RFC3: variants seen among roughly 807,000 people sequenced by gnomAD.
RFC3 encodes the protein A1 38 kDa subunit.
RFC3 carries 41 observed loss-of-function variants against 45.1 expected under a neutral mutation model. That is an observed-to-expected ratio of 0.91 (90% CI 0.71 to 1.18). RFC3 has a LOEUF of 1.18. Ranked by LOEUF, RFC3 falls within the 50% of genes most tolerant of loss-of-function variation. The pLI, the probability that RFC3 is intolerant of heterozygous loss-of-function variation, is 0.00. For missense variants in RFC3, 423 were observed against 428.1 expected (o/e 0.99, Z 0.10); for synonymous variants, 149 against 144.0 (o/e 1.03, Z -0.25).
At chr13:33,925,559 C>CATAGTGTACTATATACATACAT (rs2082804644) in intron 8 of RFC3, among the ~76,000 whole-genome samples, 3 of 117,990 alleles carry the variant, frequency 2.5e-5, no homozygotes, top group Admixed American at 8.7e-5. Flanking sequence ...TACATACATA[C>CATAGTGTACTATATACATACAT]ATAGTGTACT....
chr13:33,883,486 C>A (rs1035066370), intron 8 of RFC3, among the ~76,000 whole-genome samples: 7 of 152,032 alleles, frequency 4.6e-5, no homozygotes, highest in Non-Finnish European at 2.9e-5. Context: ...CTACATTAAC[C>A]TATATATAAC....
intron 4 of RFC3, among the ~76,000 whole-genome samples, chr13:33,828,631 C>T (rs1343268522): frequency 6.6e-6 from 1 of 152,182 alleles, no homozygotes; most frequent in African/African-American, 2.4e-5. Flanking sequence ...ACCTCCTGGG[C>T]TCAAGTAATC....
downstream of RFC3, among the ~76,000 whole-genome samples, chr13:33,969,960 T>C (rs1456624098): frequency 1.3e-5 from 2 of 151,814 alleles, no homozygotes. Flanking sequence ...GGGGTACATG[T>C]ACGGGATGTG....
chr13:33,953,919 G>A (rs1039752141), intron 8 of RFC3, among the ~76,000 whole-genome samples: 2 of 152,138 alleles, frequency 1.3e-5, no homozygotes, highest in Non-Finnish European at 1.5e-5. Context: ...TTTACTAATT[G>A]GAGAATTTTA....
rs919699515 is a variant in RFC3, at chr13:33,837,326, G to A, written c.*1031G>A. On this transcript the variant is annotated 3_prime_UTR_variant, in exon 9 of 9. Transcript: ENST00000380071. ...AATCAGATATTGTAAGCATTCTTGT[G>A]TAATACTTCATTCTCTCTCATTATT... is the stretch of plus-strand genomic sequence containing the variant. The A allele has an allele frequency of 6.6e-6, 1 of 152,060 alleles. No homozygotes were observed. The highest frequency in any genetic ancestry group is 2.4e-5 in the African/African-American group (1 of 41,412). 9.4% of individuals were successfully genotyped at this position (152,060 alleles called of 1,614,324 possible).
chr13:33,966,923 A>C (rs1400888072), downstream of RFC3, among the ~76,000 whole-genome samples: 1 of 152,082 alleles, frequency 6.6e-6, no homozygotes, highest in Admixed American at 6.6e-5. Context: ...TTGGGAGGTC[A>C]AGGCAGGCAT....
At chr13:33,937,595 T>C (rs1393253333) in intron 8 of RFC3, among the ~76,000 whole-genome samples, 1 of 152,160 alleles carries the variant, frequency 6.6e-6, no homozygotes, top group African/African-American at 2.4e-5. Context: ...TTTCCTGTAC[T>C]TTTTTGCTCC....
intron 8 of RFC3, among the ~76,000 whole-genome samples, chr13:33,904,003 A>G (rs9315270): frequency 0.2 from 30,009 of 152,058 alleles, 6,712 homozygotes; most frequent in African/African-American, 0.55. Context: ...TTATGTGTGC[A>G]TGCCCACAAG....
intron 8 of RFC3, among the ~76,000 whole-genome samples, chr13:33,920,734 C>T (rs68074814): frequency 0.023 from 3,450 of 152,132 alleles, 56 homozygotes; most frequent in Non-Finnish European, 0.034. Context: ...CTGCACCCAG[C>T]CAACCAAACA....
rs769978103 is a variant in RFC3 at position 33,829,946 on chromosome 13, A to G, written c.502A>G (p.Thr168Ala). The change falls in exon 5 of 9, where the codon ACA becomes GCA. Residue 168 changes from threonine to alanine, a missense_variant. Coordinates refer to ENST00000380071, the MANE Select transcript of RFC3 (RefSeq NM_002915.4). ...TCRLILCCNS[T>A]SKVIPPIRSR... ...CAGATTGATCTTGTGCTGCAATTCT[A>G]CATCTAAAGTGATCCCACCTATTCG... 1.2e-6 allele frequency: 2 copies of G among 1,614,046 alleles called. No homozygotes were observed. The highest frequency in any genetic ancestry group is 1.3e-5 in the African/African-American group (1 of 74,924).
the RFC3 span, among the ~76,000 whole-genome samples, chr13:33,973,776 G>A: frequency 6.6e-6 from 1 of 151,434 alleles, no homozygotes; most frequent in Admixed American, 6.6e-5. Context: ...TCAGCCTCCT[G>A]AGTAGCTGGG....
chr13:33,917,770 T>G (rs1403507660), intron 8 of RFC3, among the ~76,000 whole-genome samples: 1 of 152,090 alleles, frequency 6.6e-6, no homozygotes, highest in Non-Finnish European at 1.5e-5. Flanking sequence ...TGAAAGATTT[T>G]TCTCACTTAA....
At chr13:33,894,973 C>T (rs962302168) in intron 8 of RFC3, among the ~76,000 whole-genome samples, 1 of 152,064 alleles carries the variant, frequency 6.6e-6, no homozygotes, top group Non-Finnish European at 1.5e-5. Context: ...GAACTGGACA[C>T]CTATCTCTCA....
rs191826796 is a variant in RFC3 at position 33,912,416 on chromosome 13, A to G, written c.880-53671A>G. 5.3e-5 allele frequency among the ~76,000 whole-genome samples: 8 copies of G among 152,224 alleles called. No individual in the cohort carries two copies. In the East Asian group the frequency reaches 1.6e-3, roughly 30 times the overall value. On this transcript the variant is annotated intron_variant, in intron 8 of 8. Coordinates refer to the RFC3 transcript ENST00000434425. ...GACATTTATTCTGATCCAGAGCATC[A>G]AGAAGGGCTTTCTAGAGGCACTAAT...
chr13:33,841,767 T>G (rs925562155), downstream of RFC3, among the ~76,000 whole-genome samples: 3 of 152,142 alleles, frequency 2.0e-5, no homozygotes, highest in African/African-American at 7.2e-5. Flanking sequence ...GTAAACTTTT[T>G]TGGAGTAGGC....
At chr13:33,828,522 T>TC (rs1422228759) in intron 4 of RFC3, among the ~76,000 whole-genome samples, 1 of 152,104 alleles carries the variant, frequency 6.6e-6, no homozygotes, top group African/African-American at 2.4e-5. Context: ...CTGTCGAATC[T>TC]CCCCCCTCGG....
At chr13:33,968,199 C>T (rs543284717), downstream of RFC3, among the ~76,000 whole-genome samples, 4 of 152,294 alleles carry the variant, frequency 2.6e-5, no homozygotes, top group South Asian at 8.3e-4. Flanking sequence ...GCGATCTCAG[C>T]TCACTGCAAC....
intron 8 of RFC3, among the ~76,000 whole-genome samples, chr13:33,860,965 G>T (rs2082337410): frequency 6.6e-6 from 1 of 151,788 alleles, no homozygotes; most frequent in African/African-American, 2.4e-5. Context: ...GCAGTGGTAT[G>T]ATCCTAGCTC....
chr13:33,963,499 C>T (rs1341321963), intron 8 of RFC3, among the ~76,000 whole-genome samples: 1 of 152,166 alleles, frequency 6.6e-6, no homozygotes, highest in Non-Finnish European at 1.5e-5. Flanking sequence ...AGTGAGGACA[C>T]CAAATTAATT....
Sources: gnomAD v4.1 joint callset for allele counts (sites outside exome capture counted in the v4.1 genomes callset) on GRCh38, gnomAD v4.1.1 for gene constraint, MANE v1.5 for transcripts, NCBI Gene and HGNC (gene_info 2026-07-23, HGNC 2026-07-21) for gene names.